RANBP2: variants seen among roughly 807,000 people sequenced by gnomAD.
The protein encoded by RANBP2 is E3 SUMO-protein ligase RanBP2.
Under a neutral mutation model 303.6 loss-of-function variants are expected in RANBP2, and 57 were observed. That is an observed-to-expected ratio of 0.19 (90% CI 0.15 to 0.23). The LOEUF (loss-of-function observed/expected upper bound fraction) is 0.23. Among genes scored for constraint, RANBP2 ranks in the 10% least tolerant of loss-of-function variants. RANBP2 has a pLI of 1.00. For synonymous variants in RANBP2, 1,167 were observed against 1,301.5 expected (o/e 0.90, Z 2.23); for missense variants, 3,138 against 3,780.8 (o/e 0.83, Z 4.46).
At chr2:108,900,140 C>T in the RANBP2 span, among the ~76,000 whole-genome samples, 1 of 152,088 alleles carries the variant, frequency 6.6e-6, no homozygotes. Flanking sequence ...GTTCAAGTGA[C>T]CCACAGTAAA....
At chr2:109,455,486 A>G in the RANBP2 span, among the ~76,000 whole-genome samples, 1 of 151,992 alleles carries the variant, frequency 6.6e-6, no homozygotes, top group African/African-American at 2.4e-5. Context: ...ACATGTGTGC[A>G]CCCACCCATT....
At chr2:108,992,412 T>C in the RANBP2 span, among the ~76,000 whole-genome samples, 284 of 152,332 alleles carry the variant, frequency 1.9e-3, no homozygotes, top group Middle Eastern at 6.8e-3. Flanking sequence ...ACAGGATGCC[T>C]GGATTATTTG....
chr2:108,726,924 A>G (rs1694762397), intron 1 of RANBP2, among the ~76,000 whole-genome samples: 2 of 152,308 alleles, frequency 1.3e-5, no homozygotes, highest in South Asian at 4.1e-4. Context: ...GACACAGCAC[A>G]TGTTTCAGAG....
the RANBP2 span, among the ~76,000 whole-genome samples, chr2:108,797,123 G>A: frequency 3.6e-4 from 55 of 152,214 alleles, no homozygotes; most frequent in African/African-American, 1.3e-3. Flanking sequence ...GCATATACTT[G>A]GTAATTTTAG....
the RANBP2 span, among the ~76,000 whole-genome samples, chr2:109,471,798 C>G: frequency 6.6e-6 from 1 of 152,206 alleles, no homozygotes; most frequent in Admixed American, 6.5e-5. Flanking sequence ...TCCTGGATAG[C>G]TTGTCCTGCC....
At chr2:109,663,713 G>C in the RANBP2 span, among the ~76,000 whole-genome samples, 2 of 152,216 alleles carry the variant, frequency 1.3e-5, no homozygotes, top group Admixed American at 6.5e-5. Flanking sequence ...AGTGAATTTA[G>C]TCTAAATTAA....
intron 9 of RANBP2, among the ~76,000 whole-genome samples, chr2:108,750,212 G>A (rs1410554162): frequency 6.6e-6 from 1 of 152,258 alleles, no homozygotes; most frequent in Non-Finnish European, 1.5e-5. Flanking sequence ...CATCTAAATG[G>A]TTGTTTATGT....
the RANBP2 span, among the ~76,000 whole-genome samples, chr2:109,565,256 T>C: frequency 1.3e-5 from 2 of 152,268 alleles, no homozygotes; most frequent in East Asian, 3.9e-4. Flanking sequence ...GTAAGGGTAA[T>C]CTATTCACCA....
At chr2:109,473,810 AG>A in the RANBP2 span, among the ~76,000 whole-genome samples, 3 of 143,812 alleles carry the variant, frequency 2.1e-5, no homozygotes, top group Non-Finnish European at 4.5e-5. Context: ...GTGCACAGCC[AG>A]CACCTTAGCC....
chr2:108,725,079 C>T (rs956596161), intron 1 of RANBP2, among the ~76,000 whole-genome samples: 1 of 152,134 alleles, frequency 6.6e-6, no homozygotes, highest in African/African-American at 2.4e-5. Flanking sequence ...GATGTGGCAT[C>T]TCTTAGGGTC....
At chr2:109,070,716 G>T in the RANBP2 span, among the ~76,000 whole-genome samples, 1 of 152,032 alleles carries the variant, frequency 6.6e-6, no homozygotes, top group Non-Finnish European at 1.5e-5. Flanking sequence ...AATATTAGGC[G>T]GGTGTGATGG....
chr2:109,317,112 T>C, the RANBP2 span, among the ~76,000 whole-genome samples: 1 of 152,182 alleles, frequency 6.6e-6, no homozygotes, highest in Non-Finnish European at 1.5e-5. Context: ...CTCTAAACTT[T>C]CATGAGTGGG....
chr2:108,995,793 C>T, the RANBP2 span, among the ~76,000 whole-genome samples: 1 of 152,156 alleles, frequency 6.6e-6, no homozygotes, highest in Non-Finnish European at 1.5e-5. Flanking sequence ...CCTTTGCTGC[C>T]ACCTGGAGTG....
At chr2:108,968,359 T>C in the RANBP2 span, among the ~76,000 whole-genome samples, 1 of 152,184 alleles carries the variant, frequency 6.6e-6, no homozygotes. Flanking sequence ...GGATTATGCA[T>C]CCCTATAGAA....
At chr2:109,667,443 G>A in the RANBP2 span, 8 of 362,838 alleles carry the variant, frequency 2.2e-5, no homozygotes, top group Non-Finnish European at 3.5e-5. Flanking sequence ...AGGCAGGGCT[G>A]GAGTCTATTT....
chr2:109,187,859 C>A, the RANBP2 span, among the ~76,000 whole-genome samples: 1 of 152,218 alleles, frequency 6.6e-6, no homozygotes, highest in South Asian at 2.1e-4. Flanking sequence ...TCAGCACGGA[C>A]TGGGTGCTCT....
At chr2:109,503,133 A>G in the RANBP2 span, 1 of 152,194 alleles carries the variant, frequency 6.6e-6, no homozygotes, top group Non-Finnish European at 1.5e-5. Context: ...CTTCAGGGAC[A>G]ATTTTGTTCT....
chr2:108,812,692 G>T, the RANBP2 span: 1 of 1,609,762 alleles, frequency 6.2e-7, no homozygotes. Context: ...GTTCAAGCTC[G>T]TTTAGATAAT....
chr2:108,937,387 C>T, the RANBP2 span, among the ~76,000 whole-genome samples: 9 of 152,044 alleles, frequency 5.9e-5, no homozygotes, highest in Non-Finnish European at 1.2e-4. Context: ...TGTGCATACA[C>T]GTGAGTGTAT....
Sources: allele counts gnomAD v4.1 joint callset (sites outside exome capture counted in the v4.1 genomes callset), GRCh38; gene constraint gnomAD v4.1.1; transcripts MANE v1.5; gene names NCBI Gene and HGNC (gene_info 2026-07-23, HGNC 2026-07-21).